Variants in TRIM16 observed in about 807,000 individuals in gnomAD.
The protein encoded by TRIM16 is tripartite motif containing 16, also known as tripartite motif-containing protein 16.
TRIM16 carries 33 observed loss-of-function variants against 50.4 expected under a neutral mutation model. That is an observed-to-expected ratio of 0.65 (90% confidence interval 0.50 to 0.88). The LOEUF is 0.88. TRIM16 is among the 40% of genes least tolerant of loss of function. TRIM16 has a pLI of 0.00. For missense variants in TRIM16, 581 were observed against 686.8 expected (o/e 0.85, Z 1.72); for synonymous variants, 229 against 270.7 (o/e 0.85, Z 1.51).
At position 15,651,795 on chromosome 17, in the gene TRIM16, C is replaced by T; in HGVS notation, c.-186G>A. ...GCTGGCGCTGGATGGCAGCCAGATG[C>T]GATGACGACAAGGCAGCTAGAGTAC... On this transcript the variant is annotated 5_prime_UTR_variant, in exon 7 of 12. Coordinates refer to ENST00000649191, the MANE Select transcript of TRIM16 (RefSeq NM_001348119.1). 2 of 1,464,430 alleles carry T rather than the reference C, an allele frequency of 1.4e-6. No homozygotes were observed. Among genetic ancestry groups the T allele is most frequent in the South Asian group, 2.8e-5 (2 of 70,828 alleles). 90.7% of individuals were successfully genotyped at this position (1,464,430 alleles called of 1,614,324 possible).
chr17:15,652,411 G>A (rs1275863714), intron 6 of TRIM16, among the ~76,000 whole-genome samples: 3 of 135,732 alleles, frequency 2.2e-5, no homozygotes, highest in Non-Finnish European at 3.1e-5. Flanking sequence ...CACCCGCCTC[G>A]GCCTCCCAAA....
intron 6 of TRIM16, among the ~76,000 whole-genome samples, chr17:15,664,771 A>G (rs1988402946): frequency 6.6e-6 from 1 of 151,942 alleles, no homozygotes; most frequent in South Asian, 2.1e-4. Context: ...GCGGTGGCTC[A>G]CTCCTGTCAT....
chr17:15,647,809 GATTTCATACACACA>G (rs1987469489), intron 7 of TRIM16, among the ~76,000 whole-genome samples: 1 of 124,328 alleles, frequency 8.0e-6, no homozygotes, highest in Non-Finnish European at 1.6e-5. Context: ...AAGGAGTCCA[GATTTCATACACACA>G]CACACACACA....
Position 15,677,709 on chromosome 17 carries a change from C to G in TRIM16, c.-577G>C, listed in dbSNP as rs1427347701. On this transcript the variant is annotated 5_prime_UTR_variant, in exon 5 of 12. Coordinates refer to ENST00000649191, the MANE Select transcript of TRIM16 (RefSeq NM_001348119.1). The stretch of plus-strand genomic sequence containing the variant: ...TTGAATGACATAAAGCCCTGAAACA[C>G]CTGCATGGGGTTCTGAAGAAAAAGT... The G allele has an allele frequency of 4.0e-6, 4 of 998,334 alleles. No homozygotes were observed. Among genetic ancestry groups the G allele is most frequent in the African/African-American group, 1.7e-5 (1 of 57,622 alleles). The allele number at this position is 998,334 out of a possible 1,614,324, so 61.8% of individuals were successfully genotyped here.
At chr17:15,676,209 G>A (rs1318259785) in intron 6 of TRIM16, among the ~76,000 whole-genome samples, 4 of 152,222 alleles carry the variant, frequency 2.6e-5, no homozygotes, top group African/African-American at 7.2e-5. Flanking sequence ...CTCACGAGAT[G>A]CCCATAGCAC....
At chr17:15,633,517 C>A (rs1482392570) in intron 9 of TRIM16, among the ~76,000 whole-genome samples, 1 of 145,380 alleles carries the variant, frequency 6.9e-6, no homozygotes, top group Non-Finnish European at 1.5e-5. Flanking sequence ...AAAACGTTAT[C>A]TTTTGCCAAA....
intron 6 of TRIM16, among the ~76,000 whole-genome samples, chr17:15,656,993 T>C (rs1988013719): frequency 6.6e-6 from 1 of 152,066 alleles, no homozygotes; most frequent in Non-Finnish European, 1.5e-5. Flanking sequence ...TTCAAACTCC[T>C]GGGCTCATGC....
At chr17:15,672,019 T>C (rs138243331) in intron 6 of TRIM16, among the ~76,000 whole-genome samples, 5,487 of 152,184 alleles carry the variant, frequency 0.036, 180 homozygotes, top group South Asian at 0.15. Flanking sequence ...CCTACTTTAA[T>C]CACTAAATAT....
At chr17:15,652,586 G>A (rs1987779561) in intron 6 of TRIM16, among the ~76,000 whole-genome samples, 1 of 146,910 alleles carries the variant, frequency 6.8e-6, no homozygotes. Context: ...TCAGCCTCCT[G>A]AGTAGCTGGG....
At chr17:15,670,803 A>G (rs234607) in intron 6 of TRIM16, among the ~76,000 whole-genome samples, 27,040 of 151,108 alleles carry the variant, frequency 0.18, 1,102 homozygotes, top group African/African-American at 0.22. Context: ...GATACTGAAT[A>G]AGCAAAGAAT....
chr17:15,672,089 G>A (rs995874506), intron 6 of TRIM16, among the ~76,000 whole-genome samples: 1 of 151,872 alleles, frequency 6.6e-6, no homozygotes, highest in African/African-American at 2.4e-5. Flanking sequence ...TCACAACAGT[G>A]CAAATTATTC....
intron 11 of TRIM16, among the ~76,000 whole-genome samples, chr17:15,631,285 AATTCTGTAG>A (rs1355035206): frequency 6.6e-6 from 1 of 152,222 alleles, no homozygotes; most frequent in Non-Finnish European, 1.5e-5. Context: ...AAGCTGAATA[AATTCTGTAG>A]ATTAGTTGAT....
intron 6 of TRIM16, among the ~76,000 whole-genome samples, chr17:15,668,679 T>G (rs552551482): frequency 2.0e-5 from 3 of 152,072 alleles, no homozygotes; most frequent in Admixed American, 6.6e-5. Context: ...CACCAAACAT[T>G]CTTCCCATCC....
chr17:15,632,929 C>T, intron 9 of TRIM16: 1 of 384,208 alleles, frequency 2.6e-6, no homozygotes, highest in Non-Finnish European at 4.6e-6. Flanking sequence ...TCAAGATGTA[C>T]TAGATGGCCA....
Position 15,632,216 on chromosome 17 carries a change from C to T in TRIM16, c.1015+293G>A, listed in dbSNP as rs562389907. ...CCAGCCTGACCAACATGGTGAAACC[C>T]CGTCTCTACTAAAAATACAAAAATT... On this transcript the variant is annotated intron_variant, in intron 10 of 11. Transcript: ENST00000649191. Among the ~76,000 whole-genome samples the T allele has an allele frequency of 2.1e-3, 312 of 152,080 alleles. 1 individual carries two copies. Among genetic ancestry groups the T allele is most frequent in the African/African-American group, 7.2e-3 (298 of 41,474 alleles).
Position 15,632,651 on chromosome 17 carries a change from A to C in TRIM16, c.873T>G (p.Thr291=), listed in dbSNP as rs757753466. 1.2e-6 allele frequency: 2 copies of C among 1,610,176 alleles called. No homozygotes were observed. The highest frequency in any genetic ancestry group is 1.7e-5 in the Admixed American group (1 of 59,160). The stretch of plus-strand genomic sequence containing the variant: ...AAACACTAGGGAAGGTGATGTCTTC[A>C]GTGTTCTTAAACTTGCAGTACTCCT... The part of the protein sequence containing the change: ...FLEEYCKFKN[T]EDITFPSVYV... The change falls in exon 10 of 12, where the codon ACT becomes ACG. Residue 291 remains threonine (T), a synonymous_variant. Transcript: ENST00000649191.
intron 6 of TRIM16, among the ~76,000 whole-genome samples, chr17:15,655,606 G>A (rs576590708): frequency 1.3e-5 from 2 of 150,998 alleles, no homozygotes; most frequent in East Asian, 2.0e-4. Flanking sequence ...ACGGAGTATC[G>A]CTCTGTCGCC....
intron 6 of TRIM16, among the ~76,000 whole-genome samples, chr17:15,674,838 A>T (rs545868496): frequency 6.6e-6 from 1 of 152,286 alleles, no homozygotes; most frequent in African/African-American, 2.4e-5. Flanking sequence ...GGTGATCACA[A>T]AACAGTGGGA....
At chr17:15,671,749 G>A (rs1430733348) in intron 6 of TRIM16, among the ~76,000 whole-genome samples, 5 of 152,152 alleles carry the variant, frequency 3.3e-5, no homozygotes, top group Non-Finnish European at 5.9e-5. Flanking sequence ...GAATAAGGCC[G>A]GATATTAGTA....
Sources: allele counts gnomAD v4.1 joint callset (sites outside exome capture counted in the v4.1 genomes callset), GRCh38; gene constraint gnomAD v4.1.1; transcripts MANE v1.5; gene names NCBI Gene and HGNC (gene_info 2026-07-23, HGNC 2026-07-21).